LITAF: variants seen among roughly 807,000 people sequenced by gnomAD.
The protein encoded by LITAF is lipopolysaccharide-induced tumor necrosis factor-alpha factor.
LITAF carries 9 observed loss-of-function variants against 14.5 expected under a neutral mutation model. The observed-to-expected ratio is 0.62, with a 90% CI of 0.37 to 1.08. The LOEUF (loss-of-function observed/expected upper bound fraction) is 1.08, where lower values mean the gene tolerates loss of function less well. Ranked by LOEUF, LITAF falls within the 50% of genes least tolerant of loss-of-function variation. LITAF has a pLI of 0.01. For synonymous variants in LITAF, 98 were observed against 88.2 expected, an observed-to-expected ratio of 1.11 and a Z score of -0.62; for missense variants, 206 against 213.4, an observed-to-expected ratio of 0.97 and a Z score of 0.22.
At chr16:11,585,499 G>T (rs2064792999) in intron 1 of LITAF, among the ~76,000 whole-genome samples, 1 of 152,152 alleles carries the variant, frequency 6.6e-6, no homozygotes, top group African/African-American at 2.4e-5. Flanking sequence ...GTTACTCTAT[G>T]CCAGGTAAAG....
At chr16:11,550,750 C>T (rs565430926) in intron 3 of LITAF, among the ~76,000 whole-genome samples, 21 of 152,256 alleles carry the variant, frequency 1.4e-4, no homozygotes, top group African/African-American at 5.1e-4. Context: ...TCCACCTCCG[C>T]CTCCCAAATT....
In LITAF at chr16:11,559,465, T is replaced by C. The variant is rs140234443; in HGVS notation, c.-5-2730A>G. Among the ~76,000 whole-genome samples, 43 of 152,234 alleles carry C rather than the reference T, an allele frequency of 2.8e-4. No individual in the cohort carries two copies. The East Asian group carries it at 3.5e-3, about 12-fold the overall frequency. ...ATGAATCATTTTTTCAATGGTAAAT[T>C]TGATGAACACTGAATATAGATCAAA... On this transcript the variant is annotated intron_variant, in intron 1 of 3. Coordinates refer to ENST00000622633, the MANE Select transcript of LITAF (RefSeq NM_001136472.2).
At chr16:11,587,078 G>C, upstream of LITAF, 1 of 188,300 alleles carries the variant, frequency 5.3e-6, no homozygotes, top group South Asian at 7.1e-5. Flanking sequence ...CCGGTTCCCC[G>C]CCTCACTCTG....
chr16:11,609,715 T>C (rs928276893), intron 3 of LITAF, among the ~76,000 whole-genome samples: 1 of 152,154 alleles, frequency 6.6e-6, no homozygotes, highest in Non-Finnish European at 1.5e-5. Context: ...GGTTGAGAGA[T>C]GCCTGCTGTT....
At chr16:11,589,682 G>A (rs531105898), upstream of LITAF, among the ~76,000 whole-genome samples, 16 of 137,362 alleles carry the variant, frequency 1.2e-4, no homozygotes, top group South Asian at 3.7e-3. Context: ...ACAGTGGCTC[G>A]ATCACAGCTC....
chr16:11,569,465 C>G (rs989797741), intron 1 of LITAF, among the ~76,000 whole-genome samples: 3 of 152,140 alleles, frequency 2.0e-5, no homozygotes, highest in Non-Finnish European at 4.4e-5. Context: ...TGGTCTCGAA[C>G]TCCTGGCCTC....
chr16:11,570,039 A>C, intron 1 of LITAF, among the ~76,000 whole-genome samples: 1 of 152,048 alleles, frequency 6.6e-6, no homozygotes. Context: ...CAAAAAAAAA[A>C]AAAAAGTTAA....
At chr16:11,628,802 T>C (rs1007156800) in intron 3 of LITAF, among the ~76,000 whole-genome samples, 1 of 152,112 alleles carries the variant, frequency 6.6e-6, no homozygotes, top group African/African-American at 2.4e-5. Flanking sequence ...TCAGCATTCC[T>C]AGTAGCTGGG....
chr16:11,576,554 A>AAAAAAAAAAAAAAAAGAC (rs1555469756), intron 1 of LITAF, among the ~76,000 whole-genome samples: 9 of 116,640 alleles, frequency 7.7e-5, no homozygotes, highest in East Asian at 2.5e-4. Flanking sequence ...AAAAAAAAAA[A>AAAAAAAAAAAAAAAAGAC]AGAGAGAGAG....
Position 11,632,334 on chromosome 16 carries a change from G to T in LITAF, c.85+1199C>A, listed in dbSNP as rs960906427. On this transcript the variant is annotated intron_variant, in intron 3 of 3. Coordinates refer to the LITAF transcript ENST00000574848. This position sits in a 1 kb window ranked among gnomAD's most constrained non-coding sequence, Gnocchi z 4.8. Reference sequence around the variant, plus strand: ...CACATGGACTGAGAAAGGTGAGGACGACTGGCTCAACCCTGGAGAGAAGGT... The same window carrying T: ...CACATGGACTGAGAAAGGTGAGGACTACTGGCTCAACCCTGGAGAGAAGGT... Among the ~76,000 whole-genome samples the T allele has an allele frequency of 2.0e-5, 3 of 152,078 alleles. No individual in the cohort carries two copies. The highest frequency in any genetic ancestry group is 6.5e-5 in the Admixed American group (1 of 15,272).
intron 2 of LITAF, chr16:11,556,151 C>G: frequency 2.4e-6 from 1 of 413,064 alleles, no homozygotes; most frequent in South Asian, 7.0e-5. Flanking sequence ...CTATTCCTAC[C>G]TCGGCCCTGG....
intron 3 of LITAF, among the ~76,000 whole-genome samples, chr16:11,616,720 G>A (rs998350268): frequency 6.6e-6 from 1 of 151,774 alleles, no homozygotes; most frequent in African/African-American, 2.4e-5. Context: ...TGCCCGGAGT[G>A]GGCAACATAG....
intron 1 of LITAF, among the ~76,000 whole-genome samples, chr16:11,595,525 C>T (rs1861667): frequency 0.37 from 56,525 of 151,932 alleles, 10,835 homozygotes; most frequent in East Asian, 0.53. Context: ...ATCAGGAGAT[C>T]GAGACCATCC....
At chr16:11,571,358 C>T (rs894149772) in intron 1 of LITAF, among the ~76,000 whole-genome samples, 2 of 152,188 alleles carry the variant, frequency 1.3e-5, no homozygotes, top group Non-Finnish European at 1.5e-5. Flanking sequence ...TGAGCCACTG[C>T]GCCCAGTCGA....
intron 3 of LITAF, among the ~76,000 whole-genome samples, chr16:11,609,209 CTTT>C (rs1233293198): frequency 2.9e-5 from 4 of 139,246 alleles, no homozygotes; most frequent in African/African-American, 7.9e-5. Flanking sequence ...GAATAGTAGA[CTTT>C]TTTTTTTTTT....
At chr16:11,615,284 C>T (rs1362650064) in intron 3 of LITAF, among the ~76,000 whole-genome samples, 1 of 152,176 alleles carries the variant, frequency 6.6e-6, no homozygotes, top group Non-Finnish European at 1.5e-5. Context: ...CGCCTGTAAT[C>T]CCAGCACCTT....
intron 1 of LITAF, among the ~76,000 whole-genome samples, chr16:11,571,641 C>A (rs999026340): frequency 5.9e-5 from 9 of 152,170 alleles, no homozygotes; most frequent in Admixed American, 2.6e-4. Flanking sequence ...CCGCCCTGGG[C>A]TCAGAAGCAG....
chr16:11,615,699 T>TA lies in LITAF; in HGVS notation c.85+17833dup, dbSNP rs1234558927. ...TAAATAAATAACTAAAATAAAATAATAAAAAAAGAAAAGTGAAGACCTATG... is the reference window on the plus strand; with the variant it reads ...TAAATAAATAACTAAAATAAAATAATAAAAAAAAGAAAAGTGAAGACCTATG... On this transcript the variant is annotated intron_variant, in intron 3 of 3. Coordinates refer to the LITAF transcript ENST00000574848. Among the ~76,000 whole-genome samples the TA allele has an allele frequency of 3.9e-5, 6 of 152,034 alleles. No individual in the cohort carries two copies. In the South Asian group the frequency reaches 6.2e-4, roughly 16 times the overall value.
intron 2 of LITAF, among the ~76,000 whole-genome samples, chr16:11,554,471 G>A (rs149979421): frequency 2.6e-5 from 4 of 151,986 alleles, no homozygotes; most frequent in Non-Finnish European, 4.4e-5. Context: ...AAACATGTTC[G>A]AACATTCTCA....
Sources: allele counts gnomAD v4.1 joint callset (sites outside exome capture counted in the v4.1 genomes callset), GRCh38; gene constraint gnomAD v4.1.1; non-coding constraint Gnocchi (gnomAD v3.1); transcripts MANE v1.5; gene names NCBI Gene and HGNC (gene_info 2026-07-23, HGNC 2026-07-21).